The following ARHGAP32 variants were observed in gnomAD, a reference collection of about 807,000 sequenced individuals.
ARHGAP32 encodes the protein rho GTPase-activating protein 32.
Under a neutral mutation model 186.5 loss-of-function variants are expected in ARHGAP32, and 51 were observed. That is an observed-to-expected ratio of 0.27 (90% confidence interval 0.22 to 0.35). ARHGAP32 has a LOEUF of 0.35. Among genes scored for constraint, ARHGAP32 ranks in the 10% least tolerant of loss-of-function variants. The pLI, the probability that ARHGAP32 is intolerant of heterozygous loss-of-function variation, is 1.00. For missense variants in ARHGAP32, 2,186 were observed against 2,623.5 expected, an observed-to-expected ratio of 0.83 and a Z score of 3.64; for synonymous variants, 950 against 964.3, an observed-to-expected ratio of 0.99 and a Z score of 0.27.
chr11:129,000,515 TA>T (rs1416365633), intron 11 of ARHGAP32, among the ~76,000 whole-genome samples: 1 of 152,176 alleles, frequency 6.6e-6, no homozygotes, highest in Admixed American at 6.5e-5. Context: ...AGTAGGTATA[TA>T]TATTTATGGG....
chr11:129,191,447 T>G (rs749248982), intron 1 of ARHGAP32, among the ~76,000 whole-genome samples: 1 of 152,110 alleles, frequency 6.6e-6, no homozygotes, highest in Non-Finnish European at 1.5e-5. Context: ...GACACTAAAC[T>G]GAGAGCTGCT....
At chr11:129,260,514 A>G (rs368740529) in intron 1 of ARHGAP32, among the ~76,000 whole-genome samples, 26 of 152,316 alleles carry the variant, frequency 1.7e-4, no homozygotes, top group Non-Finnish European at 2.2e-4. Context: ...CAGTTGTGAC[A>G]TTTATTTTCA....
chr11:129,222,111 T>G (rs995632518), intron 1 of ARHGAP32, among the ~76,000 whole-genome samples: 2 of 152,152 alleles, frequency 1.3e-5, no homozygotes, highest in African/African-American at 4.8e-5. Flanking sequence ...ATCTGAAGCA[T>G]TCATTTACCT....
intron 1 of ARHGAP32, among the ~76,000 whole-genome samples, chr11:129,273,956 A>G (rs1945502245): frequency 6.6e-6 from 1 of 152,060 alleles, no homozygotes; most frequent in Non-Finnish European, 1.5e-5. Context: ...ACAGCCTCCA[A>G]TATTATGTAT....
intron 11 of ARHGAP32, among the ~76,000 whole-genome samples, chr11:129,011,003 T>C (rs1938049726): frequency 6.6e-6 from 1 of 152,160 alleles, no homozygotes; most frequent in Non-Finnish European, 1.5e-5. Flanking sequence ...TAGCAACAAA[T>C]GAGTAAGTGT....
At chr11:129,047,698 C>T (rs1939870907) in intron 10 of ARHGAP32, among the ~76,000 whole-genome samples, 1 of 152,162 alleles carries the variant, frequency 6.6e-6, no homozygotes, top group African/African-American at 2.4e-5. Flanking sequence ...CAATTATTTT[C>T]TCCCCACTCC....
At chr11:129,161,084 C>T (rs745375280) in intron 2 of ARHGAP32, among the ~76,000 whole-genome samples, 1 of 151,812 alleles carries the variant, frequency 6.6e-6, no homozygotes, top group East Asian at 1.9e-4. Context: ...AATAGTGTTA[C>T]GAAAACTGGA....
chr11:129,275,206 T>G (rs1432635489), intron 1 of ARHGAP32, among the ~76,000 whole-genome samples: 6 of 152,208 alleles, frequency 3.9e-5, no homozygotes, highest in Non-Finnish European at 7.3e-5. Flanking sequence ...CTGGAGGTGA[T>G]GGTAATATAA....
intron 1 of ARHGAP32, among the ~76,000 whole-genome samples, chr11:129,246,600 G>C (rs1945100467): frequency 6.6e-6 from 1 of 152,008 alleles, no homozygotes; most frequent in Non-Finnish European, 1.5e-5. Context: ...AAAGAACCAG[G>C]GCAATACTTA....
At chr11:129,138,086 T>A (rs1487117730) in intron 2 of ARHGAP32, among the ~76,000 whole-genome samples, 2 of 151,856 alleles carry the variant, frequency 1.3e-5, no homozygotes, top group Non-Finnish European at 2.9e-5. Context: ...AGTGACAGAA[T>A]TCAAAGAGAT....
intron 1 of ARHGAP32, among the ~76,000 whole-genome samples, chr11:129,246,821 G>T (rs1176695702): frequency 6.6e-6 from 1 of 152,092 alleles, no homozygotes; most frequent in Non-Finnish European, 1.5e-5. Context: ...ATTTTAAAAG[G>T]GCCTATCCTC....
chr11:129,107,475 T>G (rs138264579), intron 5 of ARHGAP32, among the ~76,000 whole-genome samples: 3,225 of 152,296 alleles, frequency 0.021, 88 homozygotes, highest in Admixed American at 0.077. Context: ...CTATGTTATT[T>G]AAAAGACACA....
chr11:128,983,567 A>G (rs1945776043), intron 15 of ARHGAP32, among the ~76,000 whole-genome samples: 1 of 152,086 alleles, frequency 6.6e-6, no homozygotes, highest in African/African-American at 2.4e-5. Context: ...TGGGTGCAGC[A>G]CACCAACATG....
intron 1 of ARHGAP32, among the ~76,000 whole-genome samples, chr11:129,201,772 G>A (rs1253759585): frequency 6.6e-6 from 1 of 152,094 alleles, no homozygotes; most frequent in Non-Finnish European, 1.5e-5. Context: ...CTTGAGGCCA[G>A]GAGTTGAAAA....
chr11:129,057,149 T>G (rs1395154940), intron 10 of ARHGAP32, among the ~76,000 whole-genome samples: 2 of 152,086 alleles, frequency 1.3e-5, no homozygotes, highest in African/African-American at 4.8e-5. Context: ...GACAGAAGCA[T>G]CAGTGGGTCA....
intron 22 of ARHGAP32, chr11:128,971,655 GC>G (rs539468949): frequency 1.7e-3 from 255 of 154,422 alleles, no homozygotes; most frequent in Non-Finnish European, 1.4e-3. Context: ...AGAAGCTACT[GC>G]CTCTCTCCTA....
At chr11:128,990,322 T>G (rs542006464) in intron 12 of ARHGAP32, among the ~76,000 whole-genome samples, 1 of 152,188 alleles carries the variant, frequency 6.6e-6, no homozygotes, top group Non-Finnish European at 1.5e-5. Context: ...CTATTACCCT[T>G]TTCTGACTGT....
At chr11:129,162,055 C>T (rs915614457) in intron 2 of ARHGAP32, among the ~76,000 whole-genome samples, 2 of 152,022 alleles carry the variant, frequency 1.3e-5, no homozygotes, top group African/African-American at 4.8e-5. Flanking sequence ...AACAGAAAAC[C>T]AAACACTGCA....
chr11:129,038,037 G>A (rs983261108), intron 11 of ARHGAP32, among the ~76,000 whole-genome samples: 1 of 151,854 alleles, frequency 6.6e-6, no homozygotes, highest in African/African-American at 2.4e-5. Flanking sequence ...GGAGGCGGAG[G>A]TTGCAGTGAG....
Sources: allele counts gnomAD v4.1 joint callset (sites outside exome capture counted in the v4.1 genomes callset), GRCh38; gene constraint gnomAD v4.1.1; transcripts MANE v1.5; gene names NCBI Gene and HGNC (gene_info 2026-07-23, HGNC 2026-07-21).